Variants in GALNT13 observed in about 807,000 individuals in gnomAD.
The protein encoded by GALNT13 is UDP-GalNAc:polypeptide N-acetylgalactosaminyltransferase 13.
Under a neutral mutation model 64.2 loss-of-function variants are expected in GALNT13, and 28 were observed. The ratio of observed to expected loss-of-function variants is 0.44; its 90% CI spans 0.32 to 0.60. The LOEUF (loss-of-function observed/expected upper bound fraction) is 0.60. GALNT13 is among the 20% of genes least tolerant of loss of function. The pLI is 0.05. For synonymous variants in GALNT13, 214 were observed against 224.6 expected (o/e 0.95, Z 0.42); for missense variants, 577 against 669.8 (o/e 0.86, Z 1.53).
chr2:154,103,047 C>T (rs68047100), intron 3 of GALNT13, among the ~76,000 whole-genome samples: 4,785 of 151,938 alleles, frequency 0.031, 108 homozygotes, highest in South Asian at 0.088. Context: ...TATATGATGT[C>T]TATATCTCTA....
chr2:154,123,619 C>T (rs1460844702), intron 3 of GALNT13, among the ~76,000 whole-genome samples: 1 of 151,956 alleles, frequency 6.6e-6, no homozygotes, highest in Admixed American at 6.6e-5. Flanking sequence ...AACTCTGACA[C>T]ATTTCTAGTG....
chr2:154,169,163 A>T (rs1361051696), intron 4 of GALNT13, among the ~76,000 whole-genome samples: 3 of 151,984 alleles, frequency 2.0e-5, no homozygotes, highest in African/African-American at 7.2e-5. Flanking sequence ...CATCCCCATG[A>T]CCCAAACATC....
intron 3 of GALNT13, among the ~76,000 whole-genome samples, chr2:154,098,973 T>C (rs1702212059): frequency 6.6e-6 from 1 of 152,074 alleles, no homozygotes; most frequent in South Asian, 2.1e-4. Flanking sequence ...AAGTTCTCTT[T>C]TTAGTTCTTT....
the GALNT13 span, among the ~76,000 whole-genome samples, chr2:153,282,960 A>G: frequency 6.6e-6 from 1 of 152,094 alleles, no homozygotes; most frequent in Non-Finnish European, 1.5e-5. Context: ...TAGGTTTTGT[A>G]TTGGGCTGTA....
At chr2:153,336,824 G>A in the GALNT13 span, among the ~76,000 whole-genome samples, 1 of 152,116 alleles carries the variant, frequency 6.6e-6, no homozygotes, top group African/African-American at 2.4e-5. Flanking sequence ...CCAAATCTCA[G>A]CTTGAATTGT....
chr2:154,031,792 T>C (rs538656024), intron 3 of GALNT13, among the ~76,000 whole-genome samples: 17 of 152,010 alleles, frequency 1.1e-4, no homozygotes, highest in Non-Finnish European at 2.1e-4. Flanking sequence ...AAAGGATAAA[T>C]AGATAAATCC....
At chr2:153,933,910 A>C (rs1690712962) in intron 2 of GALNT13, among the ~76,000 whole-genome samples, 1 of 152,162 alleles carries the variant, frequency 6.6e-6, no homozygotes, top group African/African-American at 2.4e-5. Context: ...AAGAATACTG[A>C]ATATAGGCCC....
chr2:154,331,036 A>G (rs372694273), intron 9 of GALNT13, among the ~76,000 whole-genome samples: 1 of 152,106 alleles, frequency 6.6e-6, no homozygotes, highest in East Asian at 1.9e-4. Flanking sequence ...ACTGTTTTGT[A>G]TGTTTATAAA....
At chr2:153,526,239 C>A in the GALNT13 span, among the ~76,000 whole-genome samples, 1 of 152,364 alleles carries the variant, frequency 6.6e-6, no homozygotes, top group Non-Finnish European at 1.5e-5. Context: ...TTATTGCATG[C>A]CTTGGGCAAG....
At chr2:154,400,901 C>T (rs556135919) in intron 10 of GALNT13, among the ~76,000 whole-genome samples, 1 of 151,276 alleles carries the variant, frequency 6.6e-6, no homozygotes, top group Non-Finnish European at 1.5e-5. Flanking sequence ...AATGTCTCAG[C>T]CCAAATTTTT....
At chr2:153,510,421 T>TA in the GALNT13 span, among the ~76,000 whole-genome samples, 2 of 152,146 alleles carry the variant, frequency 1.3e-5, no homozygotes, top group South Asian at 4.1e-4. Flanking sequence ...ATTCCAGGCT[T>TA]AGACAGAGAC....
chr2:153,603,022 T>C, the GALNT13 span, among the ~76,000 whole-genome samples: 1 of 151,882 alleles, frequency 6.6e-6, no homozygotes, highest in African/African-American at 2.4e-5. Context: ...TGACTATTCA[T>C]CTGAAAAATA....
At chr2:154,022,589 C>A (rs1382580603) in intron 3 of GALNT13, among the ~76,000 whole-genome samples, 1 of 151,924 alleles carries the variant, frequency 6.6e-6, no homozygotes, top group Non-Finnish European at 1.5e-5. Flanking sequence ...TCTCTCTTTT[C>A]TTCTTTATTA....
chr2:153,305,826 G>A, the GALNT13 span, among the ~76,000 whole-genome samples: 2,301 of 152,178 alleles, frequency 0.015, 28 homozygotes, highest in Non-Finnish European at 0.026. Flanking sequence ...TACATTTTAG[G>A]TTTCATAATG....
At chr2:153,381,526 G>T in the GALNT13 span, among the ~76,000 whole-genome samples, 1 of 151,860 alleles carries the variant, frequency 6.6e-6, no homozygotes, top group East Asian at 1.9e-4. Context: ...CAGATTTCAG[G>T]TACCTATATA....
At chr2:153,474,419 A>G in the GALNT13 span, among the ~76,000 whole-genome samples, 16 of 152,190 alleles carry the variant, frequency 1.1e-4, no homozygotes, top group Non-Finnish European at 1.8e-4. Context: ...TCCAGTGAGA[A>G]GCCAGGATGG....
At chr2:153,602,542 G>GT in the GALNT13 span, among the ~76,000 whole-genome samples, 1 of 151,716 alleles carries the variant, frequency 6.6e-6, no homozygotes, top group Non-Finnish European at 1.5e-5. Flanking sequence ...CGGGCAAGAC[G>GT]TTTTAAGGAA....
chr2:153,419,450 AT>A, the GALNT13 span, among the ~76,000 whole-genome samples: 1 of 152,216 alleles, frequency 6.6e-6, no homozygotes, highest in Non-Finnish European at 1.5e-5. Flanking sequence ...AAAATCATAT[AT>A]CCTCCGTGAT....
intron 3 of GALNT13, among the ~76,000 whole-genome samples, chr2:154,024,949 A>G (rs1449146691): frequency 6.6e-6 from 1 of 152,084 alleles, no homozygotes; most frequent in Non-Finnish European, 1.5e-5. Context: ...GGAGTTTGCT[A>G]GAGGTCCACT....
Sources: gnomAD v4.1 joint callset for allele counts (sites outside exome capture counted in the v4.1 genomes callset) on GRCh38, gnomAD v4.1.1 for gene constraint, MANE v1.5 for transcripts, NCBI Gene and HGNC (gene_info 2026-07-23, HGNC 2026-07-21) for gene names.